Variants in EBF1 observed in about 807,000 individuals in gnomAD.
EBF1 encodes EBF transcription factor 1.
A neutral mutation model predicts 68.4 loss-of-function variants in EBF1; 10 were observed. The observed-to-expected ratio is 0.15, with a 90% CI of 0.09 to 0.25. The LOEUF is 0.25. EBF1 is among the 10% of genes least tolerant of loss of function. The pLI is 1.00. For missense variants in EBF1, 509 were observed against 794.4 expected, an observed-to-expected ratio of 0.64 and a Z score of 4.32; for synonymous variants, 298 against 299.8, an observed-to-expected ratio of 0.99 and a Z score of 0.06.
intron 6 of EBF1, among the ~76,000 whole-genome samples, chr5:158,999,211 T>C (rs1242594898): frequency 6.6e-6 from 1 of 152,144 alleles, no homozygotes; most frequent in African/African-American, 2.4e-5. Flanking sequence ...TAAGAGTGTA[T>C]AATGCCCCAA....
intron 6 of EBF1, chr5:158,941,142 G>T (rs776347198): frequency 4.4e-6 from 2 of 454,880 alleles, no homozygotes; most frequent in East Asian, 7.0e-5. Flanking sequence ...CATATGGCAC[G>T]TGGGGCTTTT....
rs1371876613 is a variant in EBF1, at chr5:159,071,266, C to T, written c.554+2130G>A. Among the ~76,000 whole-genome samples the T allele has an allele frequency of 1.1e-4, 16 of 152,162 alleles. No individual in the cohort carries two copies. The East Asian group carries it at 2.9e-3, about 27-fold the overall frequency. ...CAGCGAATAAACATATGCTGTGGGG[C>T]TTGTGCACATACACTGAGTTTCAGC... On this transcript the variant is annotated intron_variant, in intron 6 of 15. Transcript: ENST00000313708.
chr5:158,989,721 TGCCTATCACA>T lies in EBF1; in HGVS notation c.554+83665_554+83674del, dbSNP rs557904141. ...TTTCTCAAGTCTGTAAGAGGTCAAG[TGCCTATCACA>T]GCCATTCATTCATGTGTTCATTCAT... On this transcript the variant is annotated intron_variant, in intron 6 of 15. Transcript: ENST00000313708. 4.6e-3 allele frequency among the ~76,000 whole-genome samples: 701 copies of T among 152,294 alleles called. 3 individuals are homozygous for T. Among genetic ancestry groups the T allele is most frequent in the Non-Finnish European group, 8.4e-3 (571 of 68,004 alleles).
At position 158,794,285 on chromosome 5, in the gene EBF1, A is replaced by G. The variant is rs372700502; in HGVS notation, c.909+2060T>C. Among the ~76,000 whole-genome samples, 22 of 152,280 alleles carry G rather than the reference A, an allele frequency of 1.4e-4. 4 individuals are homozygous for G. The highest frequency in any genetic ancestry group is 6.2e-4 in the South Asian group (3 of 4,820). On this transcript the variant is annotated intron_variant, in intron 9 of 15. Coordinates refer to ENST00000313708, the MANE Select transcript of EBF1 (RefSeq NM_024007.5). Reference sequence around the variant, plus strand: ...GGAGGGACAGAGGAGGGAGGAGGACAAAGATATTACATTAATGGGTTTTCC... The same window carrying G: ...GGAGGGACAGAGGAGGGAGGAGGACGAAGATATTACATTAATGGGTTTTCC...
At chr5:158,949,106 T>C (rs1224343393) in intron 6 of EBF1, among the ~76,000 whole-genome samples, 2 of 152,248 alleles carry the variant, frequency 1.3e-5, no homozygotes, top group Non-Finnish European at 2.9e-5. Context: ...TCTGTGCATA[T>C]AGGAGAATAG....
chr5:158,862,612 TAC>T (rs1227107930), intron 6 of EBF1, among the ~76,000 whole-genome samples: 2 of 152,214 alleles, frequency 1.3e-5, no homozygotes, highest in South Asian at 2.1e-4. Context: ...CAATATTGGA[TAC>T]AGTCAGGTTT....
rs547298887 is a variant in EBF1, at chr5:158,926,106, C to T, written c.555-85996G>A. ...TTTATACTTCCACCATTGAAATGTG[C>T]CTTTAATATAAGGGTTATATTTCTA... On this transcript the variant is annotated intron_variant, in intron 6 of 15. Transcript: ENST00000313708. Among the ~76,000 whole-genome samples, 6 of 152,226 alleles carry T rather than the reference C, an allele frequency of 3.9e-5. No homozygotes were observed. In the South Asian group the frequency reaches 1.2e-3, roughly 32 times the overall value.
At chr5:159,091,035 A>T (rs1287603938) in intron 4 of EBF1, among the ~76,000 whole-genome samples, 1 of 152,204 alleles carries the variant, frequency 6.6e-6, no homozygotes, top group Non-Finnish European at 1.5e-5. Flanking sequence ...TAGACAATTC[A>T]CCAATGTCCA....
At chr5:159,030,490 C>G (rs943461134) in intron 6 of EBF1, among the ~76,000 whole-genome samples, 6 of 152,136 alleles carry the variant, frequency 3.9e-5, no homozygotes, top group South Asian at 2.1e-4. Flanking sequence ...AGAGGCAGGA[C>G]AGATTCCCTC....
intron 6 of EBF1, among the ~76,000 whole-genome samples, chr5:158,976,354 C>A (rs1241551365): frequency 6.6e-6 from 1 of 151,818 alleles, no homozygotes; most frequent in East Asian, 1.9e-4. Context: ...CCTCAACCCC[C>A]CTCCAGCTTG....
In EBF1 at chr5:158,823,297, G is replaced by C. The variant is rs778329871; in HGVS notation, c.657C>G (p.Val219=). 12 of 1,612,448 alleles carry C rather than the reference G, an allele frequency of 7.4e-6. No homozygotes were observed. The highest frequency in any genetic ancestry group is 1.0e-5 in the Non-Finnish European group (12 of 1,179,276). Residue 219 remains valine (V), a synonymous_variant, in exon 8 of 16, where the codon GTC becomes GTG. Transcript: ENST00000313708. ...CTGCCAGGACATGGCCATCCACATT[G>C]ACTGTCGTAGACACCACGACCTGGA... ...RRFQVVVSTT[V]NVDGHVLAVS...
intron 6 of EBF1, among the ~76,000 whole-genome samples, chr5:159,041,569 A>G (rs951977345): frequency 6.6e-6 from 1 of 152,242 alleles, no homozygotes; most frequent in African/African-American, 2.4e-5. Context: ...TGCAAATTAC[A>G]AAAGCAGATG....
chr5:158,762,964 A>C (rs921688762), intron 10 of EBF1, among the ~76,000 whole-genome samples: 3 of 152,198 alleles, frequency 2.0e-5, no homozygotes, highest in African/African-American at 7.2e-5. Flanking sequence ...CCTGTCGGGC[A>C]TCAAACAAAC....
chr5:158,812,406 G>T (rs1184818291), intron 8 of EBF1, among the ~76,000 whole-genome samples: 1 of 152,110 alleles, frequency 6.6e-6, no homozygotes, highest in Non-Finnish European at 1.5e-5. Context: ...CCCCATTTCA[G>T]CAGCAGGCAC....
At chr5:158,735,030 A>G (rs184400885) in intron 10 of EBF1, among the ~76,000 whole-genome samples, 1 of 152,364 alleles carries the variant, frequency 6.6e-6, no homozygotes, top group East Asian at 1.9e-4. Flanking sequence ...AAAAGACATT[A>G]AATTATCCAT....
At chr5:159,017,052 C>T (rs1765738508) in intron 6 of EBF1, among the ~76,000 whole-genome samples, 1 of 152,250 alleles carries the variant, frequency 6.6e-6, no homozygotes, top group African/African-American at 2.4e-5. Flanking sequence ...TTAATTTCAG[C>T]AATGTTTTAT....
intron 14 of EBF1, among the ~76,000 whole-genome samples, chr5:158,711,476 C>T (rs1457086908): frequency 2.0e-5 from 3 of 152,198 alleles, no homozygotes; most frequent in Non-Finnish European, 2.9e-5. Flanking sequence ...CTCTATGTCT[C>T]ACAACACTGG....
intron 8 of EBF1, among the ~76,000 whole-genome samples, chr5:158,816,825 G>A (rs1251075831): frequency 1.3e-5 from 2 of 152,122 alleles, no homozygotes; most frequent in Non-Finnish European, 2.9e-5. Flanking sequence ...CTCTTAAAAT[G>A]TTTGACTTTC....
intron 11 of EBF1, among the ~76,000 whole-genome samples, chr5:158,718,396 C>T (rs1038813362): frequency 1.3e-5 from 2 of 152,174 alleles, no homozygotes; most frequent in African/African-American, 4.8e-5. Context: ...CATACCTTCA[C>T]TCCTTTTGCC....
Sources: allele counts gnomAD v4.1 joint callset (sites outside exome capture counted in the v4.1 genomes callset), GRCh38; gene constraint gnomAD v4.1.1; transcripts MANE v1.5; gene names NCBI Gene and HGNC (gene_info 2026-07-23, HGNC 2026-07-21).